Variants in FBXL7 observed in about 807,000 individuals in gnomAD.
FBXL7 encodes F-box and leucine rich repeat protein 7.
In FBXL7, 12 loss-of-function variants were observed where a neutral mutation model predicts 38.3. That is an observed-to-expected ratio of 0.31 (90% confidence interval 0.20 to 0.51). The LOEUF is 0.51. Among genes scored for constraint, FBXL7 ranks in the 20% least tolerant of loss-of-function variants. FBXL7 has a pLI of 0.98. For missense variants in FBXL7, 567 were observed against 676.4 expected (o/e 0.84, Z 1.79); for synonymous variants, 297 against 300.9 (o/e 0.99, Z 0.13).
intron 2 of FBXL7, among the ~76,000 whole-genome samples, chr5:15,697,838 T>C (rs1743387402): frequency 6.6e-6 from 1 of 152,230 alleles, no homozygotes. Context: ...CAATGCTATT[T>C]TGAATTTTGC....
chr5:15,852,311 G>T (rs892429855), intron 2 of FBXL7, among the ~76,000 whole-genome samples: 2 of 152,132 alleles, frequency 1.3e-5, no homozygotes, highest in African/African-American at 4.8e-5. Context: ...TTTTAACCAC[G>T]CAGAGAAGGA....
At chr5:15,915,990 C>G (rs980578093) in intron 2 of FBXL7, among the ~76,000 whole-genome samples, 47 of 152,228 alleles carry the variant, frequency 3.1e-4, no homozygotes, top group Admixed American at 3.1e-3. Flanking sequence ...TCCTAGGGTT[C>G]TATCCTGGGA....
chr5:15,716,879 C>A (rs1434365262), intron 2 of FBXL7, among the ~76,000 whole-genome samples: 4 of 152,132 alleles, frequency 2.6e-5, no homozygotes, highest in Non-Finnish European at 5.9e-5. Flanking sequence ...ATTTTACACT[C>A]TCTAAGGTAA....
At chr5:15,534,454 T>A (rs1737522879) in intron 1 of FBXL7, among the ~76,000 whole-genome samples, 2 of 152,228 alleles carry the variant, frequency 1.3e-5, no homozygotes, top group African/African-American at 4.8e-5. Flanking sequence ...CACTTAATAG[T>A]ATGCATTTAA....
intron 2 of FBXL7, among the ~76,000 whole-genome samples, chr5:15,819,006 A>G (rs1738097749): frequency 6.6e-6 from 1 of 152,184 alleles, no homozygotes; most frequent in Non-Finnish European, 1.5e-5. Context: ...AAGTATACTG[A>G]TTTATGATAA....
intron 1 of FBXL7, among the ~76,000 whole-genome samples, chr5:15,567,262 C>T (rs1738608926): frequency 6.6e-6 from 1 of 152,122 alleles, no homozygotes; most frequent in Non-Finnish European, 1.5e-5. Context: ...TTTTAGTACT[C>T]ATTAACTTCC....
intron 2 of FBXL7, among the ~76,000 whole-genome samples, chr5:15,870,859 G>C (rs1275739319): frequency 6.6e-6 from 1 of 152,152 alleles, no homozygotes; most frequent in Non-Finnish European, 1.5e-5. Context: ...AAGCACCCAG[G>C]GGAAGGGGCG....
At chr5:15,617,467 ATTTAT>A (rs1740493975) in intron 2 of FBXL7, among the ~76,000 whole-genome samples, 1 of 122,324 alleles carries the variant, frequency 8.2e-6, no homozygotes, top group African/African-American at 3.2e-5. Flanking sequence ...TTATTTATTT[ATTTAT>A]TTGAGATGGA....
Position 15,936,411 on chromosome 5 carries a change from G to T in FBXL7, c.740-39G>T. On this transcript the variant is annotated intron_variant, in intron 3 of 3. Transcript: ENST00000504595. The surrounding 1 kb of genome is among the most constrained non-coding windows in gnomAD (Gnocchi z 6.0). ...ATCCCCAGGCGTGGCTCCCCTGCTG[G>T]CAGGTTGCTCTGAGCCTGTGTTCTG... 6.3e-7 allele frequency: 1 copy of T among 1,586,476 alleles called. No homozygotes were observed. The highest frequency in any genetic ancestry group is 8.6e-7 in the Non-Finnish European group (1 of 1,165,594).
At chr5:15,853,581 C>T (rs1311499319) in intron 2 of FBXL7, among the ~76,000 whole-genome samples, 1 of 152,112 alleles carries the variant, frequency 6.6e-6, no homozygotes, top group African/African-American at 2.4e-5. Flanking sequence ...TGCGGAGTAA[C>T]TGGGAGGAGA....
chr5:15,528,793 A>T (rs1033859891), intron 1 of FBXL7, among the ~76,000 whole-genome samples: 14 of 152,060 alleles, frequency 9.2e-5, no homozygotes, highest in East Asian at 1.9e-4. Flanking sequence ...CGGTTTTTTT[A>T]AAAATTATTT....
chr5:15,582,531 C>G (rs1739175271), intron 1 of FBXL7, among the ~76,000 whole-genome samples: 1 of 152,186 alleles, frequency 6.6e-6, no homozygotes, highest in Non-Finnish European at 1.5e-5. Flanking sequence ...GACAACATTG[C>G]CATGCCAATG....
intron 2 of FBXL7, among the ~76,000 whole-genome samples, chr5:15,829,741 TATTA>T (rs1472930548): frequency 6.6e-6 from 1 of 152,200 alleles, no homozygotes. Flanking sequence ...AAGTAAAGAA[TATTA>T]ATTATCATTC....
chr5:15,904,802 C>T (rs1460467836), intron 2 of FBXL7, among the ~76,000 whole-genome samples: 1 of 151,944 alleles, frequency 6.6e-6, no homozygotes, highest in Admixed American at 6.6e-5. Flanking sequence ...AATATCTGGC[C>T]ACCCATGTCA....
chr5:15,860,531 G>A (rs1739431439), intron 2 of FBXL7, among the ~76,000 whole-genome samples: 1 of 152,132 alleles, frequency 6.6e-6, no homozygotes, highest in Admixed American at 6.6e-5. Flanking sequence ...TTAGGAAGTT[G>A]GGCTTATTTT....
At chr5:15,724,184 T>C (rs183637020) in intron 2 of FBXL7, among the ~76,000 whole-genome samples, 10 of 152,362 alleles carry the variant, frequency 6.6e-5, no homozygotes, top group Admixed American at 5.9e-4. Context: ...ATTAATATTG[T>C]GTAACTCTCC....
At chr5:15,642,743 G>T (rs1741408630) in intron 2 of FBXL7, among the ~76,000 whole-genome samples, 1 of 152,156 alleles carries the variant, frequency 6.6e-6, no homozygotes, top group African/African-American at 2.4e-5. Flanking sequence ...CAGGGTAGGT[G>T]GGAAGAGGGG....
intron 2 of FBXL7, among the ~76,000 whole-genome samples, chr5:15,780,142 G>T (rs749182092): frequency 6.6e-6 from 1 of 152,098 alleles, no homozygotes; most frequent in Admixed American, 6.6e-5. Flanking sequence ...ATCACAGTTT[G>T]CACGGCTGTG....
At chr5:15,692,192 C>T (rs1180885590) in intron 2 of FBXL7, among the ~76,000 whole-genome samples, 6 of 152,168 alleles carry the variant, frequency 3.9e-5, no homozygotes, top group Non-Finnish European at 8.8e-5. Context: ...CCCTCTATGC[C>T]TCAGTTTCCT....
Sources: gnomAD v4.1 joint callset for allele counts (sites outside exome capture counted in the v4.1 genomes callset) on GRCh38, gnomAD v4.1.1 for gene constraint, Gnocchi (gnomAD v3.1) non-coding constraint, MANE v1.5 for transcripts, NCBI Gene and HGNC (gene_info 2026-07-23, HGNC 2026-07-21) for gene names.